The following PGBD5 variants were observed in gnomAD, a reference collection of about 807,000 sequenced individuals.
PGBD5 encodes the protein piggyBac transposable element-derived protein 5.
Under a neutral mutation model 47.9 loss-of-function variants are expected in PGBD5, and 14 were observed. That is an observed-to-expected ratio of 0.29 (90% CI 0.19 to 0.46). PGBD5 has a LOEUF of 0.46. PGBD5 is among the 20% of genes least tolerant of loss of function. The pLI is 1.00. For synonymous variants in PGBD5, 316 were observed against 306.3 expected, an observed-to-expected ratio of 1.03 and a Z score of -0.33; for missense variants, 635 against 716.0, an observed-to-expected ratio of 0.89 and a Z score of 1.29.
rs1483809209 is a variant in PGBD5 at position 230,322,889 on chromosome 1, G to A, written c.*536C>T. ...TTTCACCACTGTACACCCAGGATGT[G>A]TGTCTTCTTCTAAGAGACCGGTTCA... On this transcript the variant is annotated 3_prime_UTR_variant, in exon 7 of 7. Transcript: ENST00000391860. This position sits in a 1 kb window ranked among gnomAD's most constrained non-coding sequence, Gnocchi z 5.9. The A allele has an allele frequency of 6.5e-6, 1 of 154,676 alleles. No individual in the cohort carries two copies. Among genetic ancestry groups the A allele is most frequent in the Non-Finnish European group, 1.4e-5 (1 of 69,332 alleles). 9.6% of individuals were successfully genotyped at this position (154,676 alleles called of 1,614,324 possible).
At chr1:230,394,111 C>T (rs1413531694) in intron 1 of PGBD5, among the ~76,000 whole-genome samples, 1 of 152,058 alleles carries the variant, frequency 6.6e-6, no homozygotes, top group Non-Finnish European at 1.5e-5. Context: ...ATTCAACAAA[C>T]CATGCCTATT....
intron 1 of PGBD5, among the ~76,000 whole-genome samples, chr1:230,359,483 TAA>T (rs1181792256): frequency 6.6e-6 from 1 of 152,188 alleles, no homozygotes; most frequent in African/African-American, 2.4e-5. Flanking sequence ...GCAGAAAAAT[TAA>T]GAGAGATAAT....
Position 230,372,906 on chromosome 1 carries a change from C to G in PGBD5, c.332-15585G>C, listed in dbSNP as rs149716326. 3.9e-5 allele frequency among the ~76,000 whole-genome samples: 6 copies of G among 152,276 alleles called. No individual in the cohort carries two copies. The East Asian group carries it at 9.7e-4, about 24-fold the overall frequency. ...CCTGGCCCAGCCTTCCTCTGTGGTG[C>G]GTCCCCCTCTCTACATATCACCTCC... On this transcript the variant is annotated intron_variant, in intron 1 of 6. Coordinates refer to ENST00000391860, the MANE Select transcript of PGBD5 (RefSeq NM_001258311.2).
rs543587301 is a variant in PGBD5, at chr1:230,359,072, C to CT, written c.332-1752dup. On this transcript the variant is annotated intron_variant, in intron 1 of 6. Transcript: ENST00000391860. ...GCATCTGTATATTGATTTTTCTTTT[C>CT]TTTTTTTTTTTGAGATGGAGTCTCT... Among the ~76,000 whole-genome samples the CT allele has an allele frequency of 9.4e-3, 1,375 of 146,612 alleles. 3 individuals carry two copies. Among genetic ancestry groups the CT allele is most frequent in the African/African-American group, 0.014 (556 of 40,206 alleles).
At chr1:230,409,072 T>C (rs1436607557) in intron 1 of PGBD5, among the ~76,000 whole-genome samples, 1 of 152,196 alleles carries the variant, frequency 6.6e-6, no homozygotes, top group East Asian at 1.9e-4. Context: ...GTTCTCCAAA[T>C]GGGATATGCA....
In PGBD5 at chr1:230,323,111, A is replaced by G; in HGVS notation, c.*314T>C. On this transcript the variant is annotated 3_prime_UTR_variant, in exon 7 of 7. Coordinates refer to ENST00000391860, the MANE Select transcript of PGBD5 (RefSeq NM_001258311.2). The surrounding 1 kb of genome is among the most constrained non-coding windows in gnomAD (Gnocchi z 4.1). Reference sequence around the variant, plus strand: ...CATTCTACCACGGGGGCCTTCCTTCACAGTCACCAGTCCACGCTGCCTCGC... The same window carrying G: ...CATTCTACCACGGGGGCCTTCCTTCGCAGTCACCAGTCCACGCTGCCTCGC... The G allele has an allele frequency of 6.3e-6, 2 of 319,356 alleles. No individual in the cohort carries two copies. Among genetic ancestry groups the G allele is most frequent in the Middle Eastern group, 9.7e-4 (1 of 1,036 alleles). The allele number at this position is 319,356 out of a possible 1,614,324, so 19.8% of individuals were successfully genotyped here.
At chr1:230,327,884 C>T (rs1278898656) in intron 5 of PGBD5, among the ~76,000 whole-genome samples, 3 of 152,208 alleles carry the variant, frequency 2.0e-5, no homozygotes, top group South Asian at 4.1e-4. Context: ...GCATGTGGCC[C>T]GTGCAGGTCT....
intron 5 of PGBD5, among the ~76,000 whole-genome samples, chr1:230,331,654 CCTCCTT>C (rs1667217470): frequency 6.6e-6 from 1 of 151,886 alleles, no homozygotes; most frequent in African/African-American, 2.4e-5. Context: ...TCTTCCTCCT[CCTCCTT>C]TTTTTTTTCT....
chr1:230,342,571 A>G (rs1001290526), intron 3 of PGBD5, among the ~76,000 whole-genome samples: 25 of 152,150 alleles, frequency 1.6e-4, no homozygotes, highest in Non-Finnish European at 2.2e-4. Context: ...AGAGTTGTGA[A>G]TTGTAAATGA....
At chr1:230,408,846 T>C (rs58513799) in intron 1 of PGBD5, among the ~76,000 whole-genome samples, 169 of 152,090 alleles carry the variant, frequency 1.1e-3, no homozygotes, top group African/African-American at 3.1e-3. Context: ...CAGAGAAAAA[T>C]AGATACATGG....
intron 1 of PGBD5, among the ~76,000 whole-genome samples, chr1:230,410,153 G>A (rs537954656): frequency 1.3e-5 from 2 of 152,294 alleles, no homozygotes; most frequent in South Asian, 4.1e-4. Flanking sequence ...CTGGACTTGA[G>A]CTTAAAGGCA....
chr1:230,420,959 C>A (rs1022053358), intron 1 of PGBD5, among the ~76,000 whole-genome samples: 2 of 152,172 alleles, frequency 1.3e-5, no homozygotes, highest in Admixed American at 6.5e-5. Flanking sequence ...GCGGGAGGAT[C>A]ACTTGGGCCC....
intron 1 of PGBD5, among the ~76,000 whole-genome samples, chr1:230,409,469 GAATA>G (rs1490303504): frequency 6.6e-6 from 1 of 152,084 alleles, no homozygotes; most frequent in Non-Finnish European, 1.5e-5. Flanking sequence ...TTCAACTGAT[GAATA>G]AATAAAATGT....
At chr1:230,404,491 G>C (rs895113497) in intron 1 of PGBD5, among the ~76,000 whole-genome samples, 1 of 151,614 alleles carries the variant, frequency 6.6e-6, no homozygotes, top group African/African-American at 2.4e-5. Context: ...TGTGGTCCCA[G>C]GTACTTGGGA....
intron 3 of PGBD5, among the ~76,000 whole-genome samples, chr1:230,348,994 AAACCTCCTAGAATCAAG>A (rs1437189075): frequency 6.6e-6 from 1 of 152,250 alleles, no homozygotes; most frequent in Non-Finnish European, 1.5e-5. Context: ...CGCTGCTGCA[AAACCTCCTAGAATCAAG>A]AGTTTTAGAA....
intron 1 of PGBD5, among the ~76,000 whole-genome samples, chr1:230,388,924 G>A (rs1369614537): frequency 6.6e-6 from 1 of 152,200 alleles, no homozygotes; most frequent in Non-Finnish European, 1.5e-5. Context: ...CTGGAGACAA[G>A]AAAGGGCAGG....
chr1:230,389,140 T>C (rs1267613206), intron 1 of PGBD5, among the ~76,000 whole-genome samples: 2 of 152,014 alleles, frequency 1.3e-5, no homozygotes, highest in Non-Finnish European at 2.9e-5. Context: ...TGCAAAACCC[T>C]TGGAGGTTCT....
intron 1 of PGBD5, among the ~76,000 whole-genome samples, chr1:230,402,179 T>C (rs1657153511): frequency 6.6e-6 from 1 of 152,208 alleles, no homozygotes; most frequent in Admixed American, 6.5e-5. Context: ...CCACATTTCT[T>C]GTGAGCTACA....
intron 3 of PGBD5, among the ~76,000 whole-genome samples, chr1:230,342,162 A>C (rs1001175913): frequency 6.6e-6 from 1 of 152,098 alleles, no homozygotes; most frequent in Non-Finnish European, 1.5e-5. Context: ...AAGAACAGTA[A>C]GGCTAGTGGC....
Sources: gnomAD v4.1 joint callset for allele counts (sites outside exome capture counted in the v4.1 genomes callset) on GRCh38, gnomAD v4.1.1 for gene constraint, Gnocchi (gnomAD v3.1) non-coding constraint, MANE v1.5 for transcripts, NCBI Gene and HGNC (gene_info 2026-07-23, HGNC 2026-07-21) for gene names.